The following ATAD2B variants were observed in gnomAD, a reference collection of about 807,000 sequenced individuals.
ATAD2B encodes the protein ATPase family AAA domain-containing protein 2B.
Under a neutral mutation model 167.6 loss-of-function variants are expected in ATAD2B, and 40 were observed. The observed-to-expected ratio is 0.24, with a 90% CI of 0.19 to 0.31. ATAD2B has a LOEUF of 0.31. ATAD2B is among the 10% of genes least tolerant of loss of function. The probability of loss-of-function intolerance (pLI) is 1.00; values close to 1 mark genes in which losing one functional copy is unlikely to be tolerated. For synonymous variants in ATAD2B, 579 were observed against 596.5 expected (o/e 0.97, Z 0.43); for missense variants, 1,242 against 1,757.2 (o/e 0.71, Z 5.24).
chr2:23,919,056 T>C (rs1234902626), intron 1 of ATAD2B, among the ~76,000 whole-genome samples: 1 of 152,116 alleles, frequency 6.6e-6, no homozygotes, highest in East Asian at 1.9e-4. Context: ...AAAAGAAAGA[T>C]TGTCGGCTAG....
intron 17 of ATAD2B, among the ~76,000 whole-genome samples, chr2:23,816,400 C>G (rs1686460103): frequency 6.6e-6 from 1 of 152,008 alleles, no homozygotes; most frequent in South Asian, 2.1e-4. Flanking sequence ...CAAATTTTAC[C>G]AATAAGGGTC....
the ATAD2B span, chr2:23,703,282 G>A: frequency 6.5e-7 from 1 of 1,549,508 alleles, no homozygotes; most frequent in African/African-American, 1.4e-5. Context: ...AGATCTACGT[G>A]TTTGGTGGGG....
chr2:23,709,440 C>G, the ATAD2B span, among the ~76,000 whole-genome samples: 2 of 152,206 alleles, frequency 1.3e-5, no homozygotes, highest in Non-Finnish European at 2.9e-5. Context: ...ATAGACCTAC[C>G]TTGCTATGCT....
intron 1 of ATAD2B, among the ~76,000 whole-genome samples, chr2:23,903,221 G>C (rs1701040836): frequency 7.9e-6 from 1 of 126,920 alleles, no homozygotes; most frequent in Admixed American, 8.1e-5. Context: ...GGGCAACAGA[G>C]CAAGACTGTG....
chr2:23,905,120 T>A (rs1701320678), intron 1 of ATAD2B, among the ~76,000 whole-genome samples: 1 of 152,142 alleles, frequency 6.6e-6, no homozygotes, highest in South Asian at 2.1e-4. Flanking sequence ...TCTATAATAA[T>A]TTAAAATGCA....
intron 12 of ATAD2B, among the ~76,000 whole-genome samples, chr2:23,860,117 TTC>T (rs1265952071): frequency 2.0e-5 from 3 of 151,400 alleles, no homozygotes; most frequent in Non-Finnish European, 3.0e-5. Context: ...ATCTTGTGCA[TTC>T]TCTCTCTCTC....
chr2:23,683,681 G>C, the ATAD2B span, among the ~76,000 whole-genome samples: 4,973 of 152,326 alleles, frequency 0.033, 100 homozygotes, highest in South Asian at 0.086. Context: ...CTGCCGGGCT[G>C]TAAAGCAGGC....
intron 15 of ATAD2B, among the ~76,000 whole-genome samples, chr2:23,827,585 C>T (rs1034951967): frequency 6.6e-6 from 1 of 152,182 alleles, no homozygotes; most frequent in Non-Finnish European, 1.5e-5. Flanking sequence ...CCGATCTGAA[C>T]TCTAGTAAAA....
intron 1 of ATAD2B, among the ~76,000 whole-genome samples, chr2:23,921,187 C>CAGAGTA (rs1227592190): frequency 3.0e-5 from 3 of 99,360 alleles, no homozygotes; most frequent in African/African-American, 1.2e-4. Context: ...GCCTGAGCTA[C>CAGAGTA]AGAGTAAGAC....
intron 12 of ATAD2B, among the ~76,000 whole-genome samples, chr2:23,862,202 A>T (rs1694481570): frequency 6.6e-6 from 1 of 152,124 alleles, no homozygotes; most frequent in East Asian, 1.9e-4. Flanking sequence ...TTCAAAAAAA[A>T]AAAAAAAATT....
intron 18 of ATAD2B, chr2:23,806,371 T>C (rs1354735928): frequency 1.3e-5 from 2 of 152,198 alleles, no homozygotes; most frequent in Non-Finnish European, 2.9e-5. Flanking sequence ...ATTGTGGTCA[T>C]AACCATCAAA....
At chr2:23,698,883 T>C in the ATAD2B span, among the ~76,000 whole-genome samples, 20 of 152,210 alleles carry the variant, frequency 1.3e-4, no homozygotes, top group South Asian at 6.2e-4. Flanking sequence ...TTTGGTGCGA[T>C]GTGCCATCAT....
intron 17 of ATAD2B, among the ~76,000 whole-genome samples, chr2:23,815,005 G>A (rs1289175757): frequency 6.7e-6 from 1 of 148,718 alleles, no homozygotes. Context: ...GCAGTGAGCT[G>A]AGATCACACC....
intron 2 of ATAD2B, among the ~76,000 whole-genome samples, chr2:23,891,458 A>AT (rs1382208075): frequency 2.6e-5 from 4 of 151,756 alleles, no homozygotes; most frequent in Non-Finnish European, 5.9e-5. Flanking sequence ...TGGGTTGGAG[A>AT]TTTTTTTCCC....
intron 6 of ATAD2B, among the ~76,000 whole-genome samples, chr2:23,882,334 T>A (rs1698037465): frequency 6.6e-6 from 1 of 151,888 alleles, no homozygotes; most frequent in African/African-American, 2.4e-5. Context: ...TAGCTGCGAT[T>A]ACAGGCGTGC....
At chr2:23,905,825 A>C (rs1701401834) in intron 1 of ATAD2B, among the ~76,000 whole-genome samples, 1 of 152,172 alleles carries the variant, frequency 6.6e-6, no homozygotes, top group African/African-American at 2.4e-5. Context: ...TTTTTGTGTT[A>C]GATACTAAAG....
chr2:23,702,103 G>A, the ATAD2B span, among the ~76,000 whole-genome samples: 907 of 152,098 alleles, frequency 6.0e-3, 5 homozygotes, highest in Middle Eastern at 0.02. Flanking sequence ...GATGATAGGC[G>A]TGAGCCATCG....
intron 19 of ATAD2B, among the ~76,000 whole-genome samples, chr2:23,790,529 G>GAT (rs566109229): frequency 6.6e-6 from 1 of 152,120 alleles, no homozygotes. Flanking sequence ...ATAATCCATG[G>GAT]ATATTCTTAC....
chr2:23,701,787 TTTTTG>T, the ATAD2B span, among the ~76,000 whole-genome samples: 1 of 116,056 alleles, frequency 8.6e-6, no homozygotes, highest in East Asian at 2.4e-4. Context: ...ACATGGCTTT[TTTTTG>T]CTTTTTTTTT....
Sources: allele counts gnomAD v4.1 joint callset (sites outside exome capture counted in the v4.1 genomes callset), GRCh38; gene constraint gnomAD v4.1.1; transcripts MANE v1.5; gene names NCBI Gene and HGNC (gene_info 2026-07-23, HGNC 2026-07-21).